COL9A1: variants seen among roughly 807,000 people sequenced by gnomAD.
COL9A1 encodes collagen type IX alpha 1 chain.
Under a neutral mutation model 142.6 loss-of-function variants are expected in COL9A1, and 104 were observed. That is an observed-to-expected ratio of 0.73 (90% CI 0.62 to 0.86). The LOEUF (loss-of-function observed/expected upper bound fraction) is 0.86. Ranked by LOEUF, COL9A1 falls within the 40% of genes least tolerant of loss-of-function variation. The probability of loss-of-function intolerance (pLI) is 0.00; values close to 1 mark genes in which losing one functional copy is unlikely to be tolerated. For synonymous variants in COL9A1, 466 were observed against 396.0 expected (o/e 1.18, Z -2.10); for missense variants, 1,210 against 1,176.6 (o/e 1.03, Z -0.42).
chr6:70,249,748 T>C (rs1770815672), intron 28 of COL9A1, among the ~76,000 whole-genome samples: 1 of 151,998 alleles, frequency 6.6e-6, no homozygotes, highest in African/African-American at 2.4e-5. Context: ...TCCTATGATT[T>C]GCCTCTCCTC....
chr6:70,274,743 G>A lies in COL9A1; in HGVS notation c.1005C>T (p.Gly335=), dbSNP rs1772641857. The A allele has an allele frequency of 6.2e-7, 1 of 1,612,594 alleles. No homozygotes were observed. Among genetic ancestry groups the A allele is most frequent in the Non-Finnish European group, 8.5e-7 (1 of 1,178,766 alleles). ...CTTTTTGTCCCTTTGACCCAATGGAGCCAGGGGATCCATCAGGTCCTGTTA... is the reference window on the plus strand; with the variant it reads ...CTTTTTGTCCCTTTGACCCAATGGAACCAGGGGATCCATCAGGTCCTGTTA... ...DGLTGPDGSP[G]SIGSKGQKGE... Residue 335 remains glycine (G), a synonymous_variant, in exon 11 of 38, where the codon GGC becomes GGT. Transcript: ENST00000357250.
At chr6:70,267,772 G>A (rs1355312018) in intron 17 of COL9A1, among the ~76,000 whole-genome samples, 2 of 152,196 alleles carry the variant, frequency 1.3e-5, no homozygotes, top group Admixed American at 6.5e-5. Flanking sequence ...TGTGAGACAA[G>A]CGTTCCAAAA....
chr6:70,230,970 T>C (rs1769501176), intron 36 of COL9A1, among the ~76,000 whole-genome samples: 1 of 152,082 alleles, frequency 6.6e-6, no homozygotes, highest in Non-Finnish European at 1.5e-5. Context: ...CCAAAGAAAA[T>C]AGGGCTGTGA....
At chr6:70,281,193 C>T (rs1334793763) in intron 8 of COL9A1, among the ~76,000 whole-genome samples, 154 bp from the exon 9 acceptor site, 1 of 151,908 alleles carries the variant, frequency 6.6e-6, no homozygotes. Flanking sequence ...AGAGACACCT[C>T]TCCCTCCAAA....
intron 37 of COL9A1, among the ~76,000 whole-genome samples, chr6:70,219,965 G>A (rs1024129214): frequency 6.6e-6 from 1 of 152,140 alleles, no homozygotes; most frequent in Non-Finnish European, 1.5e-5. Context: ...TTCAGGAGAA[G>A]TTTTTCTTTT....
chr6:70,268,980 T>G, intron 16 of COL9A1, 120 bp from the exon 17 acceptor site: 2 of 766,616 alleles, frequency 2.6e-6, no homozygotes, highest in Non-Finnish European at 4.5e-6. Flanking sequence ...ATTGCAATAA[T>G]ATTCATTGAA....
intron 36 of COL9A1, among the ~76,000 whole-genome samples, chr6:70,230,400 G>A (rs867468211): frequency 2.0e-5 from 3 of 152,194 alleles, no homozygotes; most frequent in Middle Eastern, 3.4e-3. Context: ...ATCTGATAAC[G>A]AGAAAGGGAT....
chr6:70,250,530 A>G (rs1770874556), intron 28 of COL9A1, among the ~76,000 whole-genome samples: 1 of 152,236 alleles, frequency 6.6e-6, no homozygotes. Flanking sequence ...TGGCTGCAGA[A>G]ACCTCAGGAA....
intron 5 of COL9A1, among the ~76,000 whole-genome samples, chr6:70,290,907 A>T (rs1205208312): frequency 6.6e-6 from 1 of 152,088 alleles, no homozygotes; most frequent in African/African-American, 2.4e-5. Flanking sequence ...TTTCATTTTC[A>T]TTTAAAATTT....
rs968946976 is a variant in COL9A1 at position 70,255,097 on chromosome 6, G to T, written c.1611+53C>A. 14 of 1,612,186 alleles carry T rather than the reference G, an allele frequency of 8.7e-6. No homozygotes were observed. The African/African-American group carries it at 1.5e-4, about 17-fold the overall frequency. ...CTTCATTATTTTCTAAAGTTTCATT[G>T]CAAGTCAATGATCACTGAAAAATGT... On this transcript the variant is annotated intron_variant, in intron 23 of 37. Coordinates refer to ENST00000357250, the MANE Select transcript of COL9A1 (RefSeq NM_001851.6).
At chr6:70,280,779 G>A (rs1773103438) in intron 10 of COL9A1, 33 bp downstream of exon 10, 1 of 1,599,350 alleles carries the variant, frequency 6.3e-7, no homozygotes, top group Non-Finnish European at 8.5e-7. Flanking sequence ...ACACACCCCA[G>A]GCTGGGCGCC....
intron 37 of COL9A1, among the ~76,000 whole-genome samples, chr6:70,221,222 A>G (rs997424742): frequency 1.3e-5 from 2 of 152,158 alleles, no homozygotes; most frequent in African/African-American, 4.8e-5. Flanking sequence ...CACCTAATAC[A>G]TGCTGTGGCG....
chr6:70,286,725 G>A (rs150659634), intron 5 of COL9A1, among the ~76,000 whole-genome samples: 3 of 152,282 alleles, frequency 2.0e-5, no homozygotes, highest in African/African-American at 4.8e-5. Context: ...GCTCTGAGCT[G>A]CCTCAAAATT....
At chr6:70,257,048 A>AATTTTTTTTTTTTTTTTTTT (rs1562307548) in intron 20 of COL9A1, among the ~76,000 whole-genome samples, 1 of 105,018 alleles carries the variant, frequency 9.5e-6, no homozygotes, top group African/African-American at 3.9e-5. Context: ...CCACTCTGTA[A>AATTTTTTTTTTTTTTTTTTT]TTTTTTTTTT....
Position 70,254,632 on chromosome 6 carries a change from A to G in COL9A1, c.1666-103T>C, listed in dbSNP as rs1771155601. The G allele has an allele frequency of 2.8e-6, 3 of 1,068,186 alleles. No individual in the cohort carries two copies. The Admixed American group carries it at 5.4e-5, about 19-fold the overall frequency. 66.2% of individuals were successfully genotyped at this position (1,068,186 alleles called of 1,614,324 possible). A position where few individuals can be genotyped will look rare whatever the true frequency, so the allele number is the denominator to read the frequency against. On this transcript the variant is annotated intron_variant, in intron 24 of 37. Coordinates refer to ENST00000357250, the MANE Select transcript of COL9A1 (RefSeq NM_001851.6). Reference sequence around the variant, plus strand: ...CGTTTTAAGTAAAAGGATTGTCCCAACAGCTGACTTTACATGCACTTTTAT... The same window carrying G: ...CGTTTTAAGTAAAAGGATTGTCCCAGCAGCTGACTTTACATGCACTTTTAT...
intron 30 of COL9A1, 21 bp downstream of exon 30, chr6:70,241,943 C>A: frequency 6.4e-7 from 1 of 1,572,214 alleles, no homozygotes; most frequent in Non-Finnish European, 8.7e-7. Flanking sequence ...AAAGAACCTT[C>A]TGGAGTGCTG....
chr6:70,263,294 CA>C lies in COL9A1; in HGVS notation c.1344del (p.Glu449LysfsTer28), dbSNP rs1188681220. ...IGEPGRQGHK[G>X]EEGDQGELGE... ...CCGAGTTCTCCCTGGTCACCTTCTT[CA>C]CCCTAAAGAAAAAAAAGAAAAAAGA... is the stretch of plus-strand genomic sequence containing the variant. On this transcript the variant is annotated frameshift_variant and splice_region_variant, in exon 19 of 38. Transcript: ENST00000357250. LOFTEE classifies it high-confidence loss of function. 2 of 1,608,608 alleles carry C rather than the reference CA, an allele frequency of 1.2e-6. No individual in the cohort carries two copies. Among genetic ancestry groups the C allele is most frequent in the Non-Finnish European group, 1.7e-6 (2 of 1,177,348 alleles).
At chr6:70,242,521 C>G (rs1770327332) in intron 29 of COL9A1, 141 bp downstream of exon 29, 1 of 803,532 alleles carries the variant, frequency 1.2e-6, no homozygotes, top group East Asian at 2.6e-5. Context: ...TTGAAATTTC[C>G]CCTTTACATT....
chr6:70,301,224 T>C (rs1323083744), intron 2 of COL9A1, among the ~76,000 whole-genome samples: 1 of 152,188 alleles, frequency 6.6e-6, no homozygotes, highest in Non-Finnish European at 1.5e-5. Context: ...CCTCAGTGCC[T>C]TGCTAAGATT....
Sources: allele counts gnomAD v4.1 joint callset (sites outside exome capture counted in the v4.1 genomes callset), GRCh38; gene constraint gnomAD v4.1.1; transcripts MANE v1.5; gene names NCBI Gene and HGNC (gene_info 2026-07-23, HGNC 2026-07-21).